KLHL42: variants seen among roughly 807,000 people sequenced by gnomAD.
KLHL42 encodes the protein kelch like family member 42.
In KLHL42, 27 loss-of-function variants were observed where a neutral mutation model predicts 32.7. That is an observed-to-expected ratio of 0.83 (90% CI 0.61 to 1.14). The LOEUF is 1.14. Ranked by LOEUF, KLHL42 falls within the 50% of genes most tolerant of loss-of-function variation. The probability of loss-of-function intolerance (pLI) is 0.00; values close to 1 mark genes in which losing one functional copy is unlikely to be tolerated. For synonymous variants in KLHL42, 267 were observed against 248.2 expected (o/e 1.08, Z -0.71); for missense variants, 491 against 560.8 (o/e 0.88, Z 1.26).
At position 27,802,427 on chromosome 12, in the gene KLHL42, T is replaced by A. The variant is rs545102617; in HGVS notation, c.*4261T>A. The A allele has an allele frequency of 6.6e-6, 1 of 152,596 alleles. No individual in the cohort carries two copies. Among genetic ancestry groups the A allele is most frequent in the African/African-American group, 2.4e-5 (1 of 41,580 alleles). The allele number at this position is 152,596 out of a possible 1,614,324, so 9.5% of individuals were successfully genotyped here. A position where few individuals can be genotyped will look rare whatever the true frequency, so the allele number is the denominator to read the frequency against. On this transcript the variant is annotated 3_prime_UTR_variant, in exon 3 of 3. Coordinates refer to ENST00000381271, the MANE Select transcript of KLHL42 (RefSeq NM_020782.2). Reference sequence around the variant, plus strand: ...ACACTAGTACTGATGAAAAGGTGGTTGATTTTGCCTTGTGATAATTATCAA... The same window carrying A: ...ACACTAGTACTGATGAAAAGGTGGTAGATTTTGCCTTGTGATAATTATCAA...
chr12:27,793,492 T>C lies in KLHL42; in HGVS notation c.1066+1591T>C, dbSNP rs975935957. Among the ~76,000 whole-genome samples, 37 of 151,510 alleles carry C rather than the reference T, an allele frequency of 2.4e-4. 1 individual carries two copies. The highest frequency in any genetic ancestry group is 8.8e-4 in the African/African-American group (36 of 41,134). On this transcript the variant is annotated intron_variant, in intron 2 of 2. Coordinates refer to ENST00000381271, the MANE Select transcript of KLHL42 (RefSeq NM_020782.2). ...AGGGGTTTGAGGCTGCAGTGAGCTA[T>C]GACTGCTCCCCTGCACCCCAGGCTG... is the stretch of plus-strand genomic sequence containing the variant.
chr12:27,791,701 C>T lies in KLHL42; in HGVS notation c.873-7C>T, dbSNP rs778238721. 3 of 1,612,100 alleles carry T rather than the reference C, an allele frequency of 1.9e-6. No individual in the cohort carries two copies. The South Asian group carries it at 3.3e-5, about 18-fold the overall frequency. ...TAACTCTGTGGGCCTTTGTGTCTCT[C>T]TTTCAGGTCTAACTTCAAACTTGTG... On this transcript the variant is annotated splice_region_variant and splice_polypyrimidine_tract_variant and intron_variant, in intron 1 of 2. Transcript: ENST00000381271.
rs1565485398 is a variant in KLHL42, at chr12:27,798,473, G to A, written c.*307G>A. ...AGATTCATTGTGTCTGTGTGGTAAA[G>A]GGCCAAAGTCAATAATTGGGACAAA... On this transcript the variant is annotated 3_prime_UTR_variant, in exon 3 of 3. Transcript: ENST00000381271. 3.4e-6 allele frequency: 1 copy of A among 296,210 alleles called. No homozygotes were observed. Among genetic ancestry groups the A allele is most frequent in the Non-Finnish European group, 6.3e-6 (1 of 158,550 alleles). The allele number at this position is 296,210 out of a possible 1,614,324, so 18.3% of individuals were successfully genotyped here.
intron 2 of KLHL42, among the ~76,000 whole-genome samples, chr12:27,796,935 G>C (rs1383101656): frequency 6.6e-6 from 1 of 152,108 alleles, no homozygotes; most frequent in African/African-American, 2.4e-5. Flanking sequence ...ACCATGCTTG[G>C]CCGAAAATCA....
rs1426207065 is a variant in KLHL42 at position 27,802,517 on chromosome 12, T to G, written c.*4351T>G. 3.9e-5 allele frequency: 6 copies of G among 152,664 alleles called. No homozygotes were observed. The highest frequency in any genetic ancestry group is 1.4e-4 in the African/African-American group (6 of 41,452). The allele number at this position is 152,664 out of a possible 1,614,324, so 9.5% of individuals were successfully genotyped here. A position where few individuals can be genotyped will look rare whatever the true frequency, so the allele number is the denominator to read the frequency against. ...ATTTTTTTTATTTTCTCTGTTGACT[T>G]AGGAACACATCATAAATTCACACCA... is the stretch of plus-strand genomic sequence containing the variant. On this transcript the variant is annotated 3_prime_UTR_variant, in exon 3 of 3. Coordinates refer to ENST00000381271, the MANE Select transcript of KLHL42 (RefSeq NM_020782.2).
At position 27,795,876 on chromosome 12, in the gene KLHL42, C is replaced by T. The variant is rs1207354068; in HGVS notation, c.1067-1839C>T. ...AGATCATTCCACCAACTCAGGCCAC[C>T]TTGTTGAGTGAAGAGAGAAAACATT... is the stretch of plus-strand genomic sequence containing the variant. On this transcript the variant is annotated intron_variant, in intron 2 of 2. Transcript: ENST00000381271. Among the ~76,000 whole-genome samples the T allele has an allele frequency of 2.6e-5, 4 of 152,084 alleles. No individual in the cohort carries two copies. In the East Asian group the frequency reaches 7.7e-4, roughly 29 times the overall value.
rs2062248064 is a variant in KLHL42, at chr12:27,801,660, A to T, written c.*3494A>T. ...CTCTGTGCCAGGATTTGGTCTTAGA[A>T]TCCATGTCAGATTGGTGCTTCCAGA... On this transcript the variant is annotated 3_prime_UTR_variant, in exon 3 of 3. Coordinates refer to ENST00000381271, the MANE Select transcript of KLHL42 (RefSeq NM_020782.2). 1.3e-5 allele frequency: 2 copies of T among 152,228 alleles called. No homozygotes were observed. Among genetic ancestry groups the T allele is most frequent in the African/African-American group, 4.8e-5 (2 of 41,454 alleles). The allele number at this position is 152,228 out of a possible 1,614,324, so 9.4% of individuals were successfully genotyped here.
At chr12:27,797,327 C>T (rs904551786) in intron 2 of KLHL42, 4 of 461,850 alleles carry the variant, frequency 8.7e-6, no homozygotes, top group African/African-American at 7.9e-5. Flanking sequence ...GCTGCCCAGC[C>T]TGGCTTCTGT....
At chr12:27,786,890 T>C (rs958461776) in intron 1 of KLHL42, among the ~76,000 whole-genome samples, 1 of 150,696 alleles carries the variant, frequency 6.6e-6, no homozygotes, top group East Asian at 2.0e-4. Flanking sequence ...GCCTGGCTAA[T>C]TTTTTTTTGT....
intron 1 of KLHL42, among the ~76,000 whole-genome samples, chr12:27,784,768 T>C (rs2062164563): frequency 6.6e-6 from 1 of 152,276 alleles, no homozygotes; most frequent in Non-Finnish European, 1.5e-5. Flanking sequence ...TAGAATATTA[T>C]CATCTTTTTT....
At chr12:27,791,975 A>T in intron 2 of KLHL42, 74 bp downstream of exon 2, 1 of 1,280,202 alleles carries the variant, frequency 7.8e-7, no homozygotes, top group Non-Finnish European at 1.1e-6. Context: ...AGAGGGTGTC[A>T]GAGGAAGCCC....
Position 27,801,642 on chromosome 12 carries a change from C to G in KLHL42, c.*3476C>G, listed in dbSNP as rs1424756053. The stretch of plus-strand genomic sequence containing the variant: ...GAGTGCAGCATTCCTGTCCTCTGTG[C>G]CAGGATTTGGTCTTAGAATCCATGT... On this transcript the variant is annotated 3_prime_UTR_variant, in exon 3 of 3. Coordinates refer to ENST00000381271, the MANE Select transcript of KLHL42 (RefSeq NM_020782.2). 6.6e-6 allele frequency: 1 copy of G among 152,192 alleles called. No homozygotes were observed. The highest frequency in any genetic ancestry group is 1.5e-5 in the Non-Finnish European group (1 of 68,032). The allele number at this position is 152,192 out of a possible 1,614,324, so 9.4% of individuals were successfully genotyped here.
At chr12:27,796,637 C>CTT (rs537105789) in intron 2 of KLHL42, among the ~76,000 whole-genome samples, 1 of 148,968 alleles carries the variant, frequency 6.7e-6, no homozygotes, top group African/African-American at 2.5e-5. Context: ...AAGAAAATTA[C>CTT]TTTTTTTTTT....
In KLHL42 at chr12:27,780,429, C is replaced by G. The variant is rs369177330; in HGVS notation, c.99C>G (p.Leu33=). ...LIEQSDYFRA[L]YRSGMREALS... is the part of the protein sequence containing the mutation. ...AGCAGAGCGACTACTTCCGCGCCCT[C>G]TACCGCTCCGGCATGCGCGAGGCCC... The change falls in exon 1 of 3, where the codon CTC becomes CTG. Residue 33 remains leucine, a synonymous_variant. Coordinates refer to ENST00000381271, the MANE Select transcript of KLHL42 (RefSeq NM_020782.2). The surrounding 1 kb of genome is among the most constrained non-coding windows in gnomAD (Gnocchi z 8.8). 1.7e-4 allele frequency: 271 copies of G among 1,553,530 alleles called. 1 individual carries two copies. The African/African-American group carries it at 3.4e-3, about 20-fold the overall frequency.
intron 1 of KLHL42, among the ~76,000 whole-genome samples, chr12:27,783,988 C>T (rs938525893): frequency 1.3e-5 from 2 of 152,126 alleles, no homozygotes; most frequent in African/African-American, 2.4e-5. Context: ...CTTCCATTTG[C>T]ATTGGATGTT....
chr12:27,785,118 A>G (rs2062166678), intron 1 of KLHL42, among the ~76,000 whole-genome samples: 1 of 152,214 alleles, frequency 6.6e-6, no homozygotes, highest in South Asian at 2.1e-4. Context: ...CGCCCCACCA[A>G]AAGAGGGCTC....
rs1308853607 is a variant in KLHL42 at position 27,780,378 on chromosome 12, CCCGGTGAGCAAGAGGAAGCTCATCGAGCA to C, written c.49_77del (p.Pro17GlufsTer72). 2 of 1,581,580 alleles carry C rather than the reference CCCGGTGAGCAAGAGGAAGCTCATCGAGCA, an allele frequency of 1.3e-6. No homozygotes were observed. Among genetic ancestry groups the C allele is most frequent in the Non-Finnish European group, 1.7e-6 (2 of 1,166,422 alleles). ...AGATCCGCCTGGAGGACCGCTGCTACCCGGTGAGCAAGAGGAAGCTCATCGAGCAGAGCGACTACTTCCGCGCCCTCTAC... is the reference window on the plus strand; with the variant it reads ...AGATCCGCCTGGAGGACCGCTGCTACGAGCGACTACTTCCGCGCCCTCTAC... On this transcript the variant is annotated frameshift_variant, in exon 1 of 3. Transcript: ENST00000381271. LOFTEE classifies it high-confidence loss of function. The surrounding 1 kb of genome is among the most constrained non-coding windows in gnomAD (Gnocchi z 8.8).
intron 1 of KLHL42, among the ~76,000 whole-genome samples, chr12:27,789,978 A>G (rs1318482419): frequency 6.6e-6 from 1 of 152,186 alleles, no homozygotes; most frequent in African/African-American, 2.4e-5. Context: ...CCTATTACTA[A>G]CCTAGTTTCC....
At chr12:27,788,754 G>T (rs1195603065) in intron 1 of KLHL42, among the ~76,000 whole-genome samples, 4 of 152,038 alleles carry the variant, frequency 2.6e-5, no homozygotes, top group Middle Eastern at 3.4e-3. Context: ...ATTCAATTGT[G>T]GTTTTATCCA....
Sources: allele counts gnomAD v4.1 joint callset (sites outside exome capture counted in the v4.1 genomes callset), GRCh38; gene constraint gnomAD v4.1.1; non-coding constraint Gnocchi (gnomAD v3.1); transcripts MANE v1.5; gene names NCBI Gene and HGNC (gene_info 2026-07-23, HGNC 2026-07-21).